Variants in NDUFB4 observed in about 807,000 individuals in gnomAD.
NDUFB4 encodes NADH dehydrogenase [ubiquinone] 1 beta subcomplex subunit 4.
In NDUFB4, 10 loss-of-function variants were observed where a neutral mutation model predicts 14.5. The observed-to-expected ratio is 0.69, with a 90% CI of 0.43 to 1.17. The LOEUF is 1.17. Ranked by LOEUF, NDUFB4 falls within the 50% of genes most tolerant of loss-of-function variation. The pLI is 0.00. For synonymous variants in NDUFB4, 65 were observed against 63.4 expected (o/e 1.03, Z -0.12); for missense variants, 165 against 161.1 (o/e 1.02, Z -0.13).
rs145170876 is a variant in NDUFB4 at position 120,596,376 on chromosome 3, A to G, written c.17A>G (p.Tyr6Cys). 1.2e-5 allele frequency: 20 copies of G among 1,614,070 alleles called. No individual in the cohort carries two copies. Among genetic ancestry groups the G allele is most frequent in the African/African-American group, 5.3e-5 (4 of 74,936 alleles). MSFPK[Y>C]KPSSLRTLPE... ...TTCGCCAAGATGTCGTTCCCAAAGT[A>G]TAAGCCGTCGAGCCTGCGCACTCTG... is the stretch of plus-strand genomic sequence containing the variant. The change falls in exon 1 of 3, where the codon TAT becomes TGT. Residue 6 changes from tyrosine to cysteine, a missense_variant. Tyr to Cys is a radical substitution (Grantham distance 194, BLOSUM62 -2). Coordinates refer to ENST00000184266, the MANE Select transcript of NDUFB4 (RefSeq NM_004547.6).
intron 1 of NDUFB4, among the ~76,000 whole-genome samples, chr3:120,596,991 ATATAT>A (rs1274763491): frequency 1.5e-4 from 22 of 144,322 alleles, no homozygotes; most frequent in Admixed American, 4.8e-4. Context: ...ATATATGCAT[ATATAT>A]TATATTCTAT....
At chr3:120,597,573 C>T (rs143386022) in intron 1 of NDUFB4, among the ~76,000 whole-genome samples, 1,569 of 152,280 alleles carry the variant, frequency 0.01, 26 homozygotes, top group African/African-American at 0.036. Context: ...TTTTTGAGTA[C>T]TATTTACATA....
At chr3:120,602,028 C>T in intron 2 of NDUFB4, 180 bp from the exon 3 acceptor site, 1 of 1,388,276 alleles carries the variant, frequency 7.2e-7, no homozygotes, top group Non-Finnish European at 9.3e-7. Flanking sequence ...TCGCACACTC[C>T]CTGGGCTTTA....
Position 120,596,372 on chromosome 3 carries a change from A to G in NDUFB4, c.13A>G (p.Lys5Glu). 6.2e-7 allele frequency: 1 copy of G among 1,614,172 alleles called. No individual in the cohort carries two copies. Among genetic ancestry groups the G allele is most frequent in the Non-Finnish European group, 8.5e-7 (1 of 1,180,010 alleles). Residue 5 changes from lysine to glutamate, a missense_variant, in exon 1 of 3, where the codon AAG (lysine) becomes GAG (glutamate). Physicochemically the swap from Lys to Glu is moderately conservative, Grantham distance 56. Coordinates refer to ENST00000184266, the MANE Select transcript of NDUFB4 (RefSeq NM_004547.6). ...CTGGTTCGCCAAGATGTCGTTCCCAAAGTATAAGCCGTCGAGCCTGCGCAC... is the reference window on the plus strand; with the variant it reads ...CTGGTTCGCCAAGATGTCGTTCCCAGAGTATAAGCCGTCGAGCCTGCGCAC... MSFP[K>E]YKPSSLRTLP...
intron 1 of NDUFB4, among the ~76,000 whole-genome samples, chr3:120,599,174 A>G (rs1229703577): frequency 2.6e-5 from 4 of 152,182 alleles, no homozygotes; most frequent in Admixed American, 2.6e-4. Flanking sequence ...CCTTTTACTA[A>G]GAAACACAGG....
chr3:120,601,622 G>A (rs986795206), intron 2 of NDUFB4: 1 of 1,054,064 alleles, frequency 9.5e-7, no homozygotes, highest in African/African-American at 1.7e-5. Context: ...GGACAGAGAA[G>A]CACAAGCTGC....
intron 2 of NDUFB4, chr3:120,601,961 G>A: frequency 4.8e-6 from 6 of 1,241,270 alleles, no homozygotes; most frequent in Non-Finnish European, 6.0e-6. Context: ...TGAGTAAGAT[G>A]TTTTTGAATA....
intron 1 of NDUFB4, among the ~76,000 whole-genome samples, chr3:120,599,249 G>GT (rs1190359059): frequency 6.6e-6 from 1 of 152,126 alleles, no homozygotes; most frequent in Non-Finnish European, 1.5e-5. Context: ...GATATGTGAC[G>GT]TTTTAGATGC....
chr3:120,598,514 G>A (rs1290333605), intron 1 of NDUFB4, among the ~76,000 whole-genome samples: 1 of 152,080 alleles, frequency 6.6e-6, no homozygotes, highest in African/African-American at 2.4e-5. Flanking sequence ...CAAGAAACAA[G>A]TTAAAAAATT....
intron 1 of NDUFB4, 173 bp downstream of exon 1, chr3:120,596,712 A>G: frequency 1.4e-6 from 1 of 707,888 alleles, no homozygotes; most frequent in Non-Finnish European, 2.3e-6. Context: ...CCTCGAGAGG[A>G]CCGGCTCTGG....
At chr3:120,599,565 A>G (rs1322192433) in intron 1 of NDUFB4, among the ~76,000 whole-genome samples, 2 of 152,144 alleles carry the variant, frequency 1.3e-5, no homozygotes, top group East Asian at 3.9e-4. Flanking sequence ...AGGAGTTTTC[A>G]CCATGTCAGA....
intron 1 of NDUFB4, among the ~76,000 whole-genome samples, chr3:120,597,277 C>T (rs1019174204): frequency 2.0e-5 from 3 of 151,902 alleles, no homozygotes; most frequent in Non-Finnish European, 4.4e-5. Context: ...AACTTCAACT[C>T]CTCTGAATTA....
chr3:120,601,154 A>T lies in NDUFB4; in HGVS notation c.224A>T (p.Asn75Ile). The T allele has an allele frequency of 6.2e-7, 1 of 1,613,992 alleles. No homozygotes were observed. Among genetic ancestry groups the T allele is most frequent in the Non-Finnish European group, 8.5e-7 (1 of 1,179,998 alleles). ...CGTTGGGCCTATGCAAGAACAATAAATGTCTATCCTAATTTCAGACCCACT... is the reference window on the plus strand; with the variant it reads ...CGTTGGGCCTATGCAAGAACAATAATTGTCTATCCTAATTTCAGACCCACT... ...LLRWAYARTINVYPNFRPTPK... is the reference protein window; with the variant it reads ...LLRWAYARTIIVYPNFRPTPK... The change falls in exon 2 of 3, where the codon AAT becomes ATT. Residue 75 changes from asparagine (N) to isoleucine (I), a missense_variant. Asn to Ile is a moderately radical substitution (Grantham distance 149, BLOSUM62 -3). Coordinates refer to ENST00000184266, the MANE Select transcript of NDUFB4 (RefSeq NM_004547.6).
At chr3:120,598,696 C>G (rs772491857) in intron 1 of NDUFB4, among the ~76,000 whole-genome samples, 13 of 151,980 alleles carry the variant, frequency 8.6e-5, no homozygotes, top group Non-Finnish European at 1.6e-4. Context: ...GGTGAGGGAC[C>G]TAGCTCTCTA....
chr3:120,597,005 A>ATATATGCATATATATTATATTCTC (rs1939971980), intron 1 of NDUFB4, among the ~76,000 whole-genome samples: 2 of 142,796 alleles, frequency 1.4e-5, no homozygotes, highest in Non-Finnish European at 3.0e-5. Context: ...ATTATATTCT[A>ATATATGCATATATATTATATTCTC]TATATATGCA....
rs144958362 is a variant in NDUFB4 at position 120,599,887 on chromosome 3, A to T, written c.181-1224A>T. 7.7e-3 allele frequency among the ~76,000 whole-genome samples: 1,168 copies of T among 152,128 alleles called. 8 individuals are homozygous for T. The highest frequency in any genetic ancestry group is 0.012 in the Non-Finnish European group (850 of 68,004). Reference sequence around the variant, plus strand: ...TGAGCTTTAACATCCCCTTGGACCTAATCTGTGTCTTTACCCTCTTTTTTC... The same window carrying T: ...TGAGCTTTAACATCCCCTTGGACCTTATCTGTGTCTTTACCCTCTTTTTTC... On this transcript the variant is annotated intron_variant, in intron 1 of 2. Coordinates refer to ENST00000184266, the MANE Select transcript of NDUFB4 (RefSeq NM_004547.6).
intron 1 of NDUFB4, chr3:120,596,752 C>T (rs1202865063): frequency 1.7e-6 from 1 of 572,896 alleles, no homozygotes; most frequent in African/African-American, 1.9e-5. Flanking sequence ...TGAATCCTGG[C>T]TTGATCACTT....
chr3:120,597,470 C>G (rs190815597), intron 1 of NDUFB4, among the ~76,000 whole-genome samples: 4 of 152,264 alleles, frequency 2.6e-5, no homozygotes. Context: ...CAGGACTGGA[C>G]TTTTCCCACA....
chr3:120,600,924 C>G (rs1442560846), intron 1 of NDUFB4, 187 bp from the exon 2 acceptor site: 2 of 568,988 alleles, frequency 3.5e-6, no homozygotes, highest in East Asian at 6.2e-5. Context: ...TGAACAAGAT[C>G]ATTAGAATTC....
Sources: allele counts gnomAD v4.1 joint callset (sites outside exome capture counted in the v4.1 genomes callset), GRCh38; gene constraint gnomAD v4.1.1; transcripts MANE v1.5; gene names NCBI Gene and HGNC (gene_info 2026-07-23, HGNC 2026-07-21).